Variants in CUL4A observed in about 807,000 individuals in gnomAD.
CUL4A encodes cullin-4A.
Under a neutral mutation model 95.5 loss-of-function variants are expected in CUL4A, and 16 were observed. The observed-to-expected ratio is 0.17, with a 90% CI of 0.11 to 0.25. CUL4A has a LOEUF of 0.25. Ranked by LOEUF, CUL4A falls within the 10% of genes least tolerant of loss-of-function variation. The pLI, the probability that CUL4A is intolerant of heterozygous loss-of-function variation, is 1.00. For missense variants in CUL4A, 610 were observed against 937.0 expected (o/e 0.65, Z 4.56); for synonymous variants, 380 against 353.1 (o/e 1.08, Z -0.85).
intron 11 of CUL4A, 68 bp from the exon 12 acceptor site, chr13:113,244,342 T>G (rs1215851235): frequency 9.0e-7 from 1 of 1,112,964 alleles, no homozygotes; most frequent in African/African-American, 1.5e-5. Context: ...TGTACAATGT[T>G]GCTAATAGAA....
At position 113,239,501 on chromosome 13, in the gene CUL4A, G is replaced by A; in HGVS notation, c.985G>A (p.Val329Met). ...ACAGATGTACCAGCTGTTCAGCCGG[G>A]TGAGGGGCGGGCAGCAGGCGCTGCT... ...LAQMYQLFSR[V>M]RGGQQALLQH... Residue 329 changes from valine (V) to methionine (M), a missense_variant, in exon 10 of 20, where the codon GTG becomes ATG. Physicochemically the swap from Val to Met is conservative, Grantham distance 21. This residue lies in a region of CUL4A where 153 missense variants were observed against 244.5 expected (regional missense o/e 0.63). Coordinates refer to ENST00000375440, the MANE Select transcript of CUL4A (RefSeq NM_001008895.4). 6.2e-7 allele frequency: 1 copy of A among 1,613,890 alleles called. No homozygotes were observed.
rs372753362 is a variant in CUL4A, at chr13:113,218,937, G to A, written c.265-8G>A. On this transcript the variant is annotated splice_region_variant and splice_polypyrimidine_tract_variant and intron_variant, in intron 2 of 19. Coordinates refer to ENST00000375440, the MANE Select transcript of CUL4A (RefSeq NM_001008895.4). The stretch of plus-strand genomic sequence containing the variant: ...ACTGAAGAATTGATGTAGCCCTTTT[G>A]TTTGCAGGCTGTGGAAAATCTCTGT... 3.8e-6 allele frequency: 6 copies of A among 1,596,314 alleles called. No homozygotes were observed. In the African/African-American group the frequency reaches 5.4e-5, roughly 14 times the overall value.
At chr13:113,233,040 G>T (rs1053661450) in intron 5 of CUL4A, 137 bp from the exon 6 acceptor site, 13 of 902,250 alleles carry the variant, frequency 1.4e-5, no homozygotes, top group Non-Finnish European at 2.1e-5. Flanking sequence ...TTTTTAAAAG[G>T]AATTCTTGGC....
intron 5 of CUL4A, among the ~76,000 whole-genome samples, chr13:113,231,773 T>G (rs2041318391): frequency 6.6e-6 from 1 of 152,116 alleles, no homozygotes; most frequent in South Asian, 2.1e-4. Context: ...CACTGCACCT[T>G]CCTGCTCCAA....
At chr13:113,226,021 C>T (rs1331888272) in intron 3 of CUL4A, among the ~76,000 whole-genome samples, 1 of 152,192 alleles carries the variant, frequency 6.6e-6, no homozygotes, top group African/African-American at 2.4e-5. Context: ...TTGGTCACAG[C>T]ACTTCCTGGT....
chr13:113,266,219 A>G lies in CUL4A; in HGVS notation c.*2637A>G, dbSNP rs7336792. On this transcript the variant is annotated 3_prime_UTR_variant, in exon 20 of 20. Coordinates refer to ENST00000375440, the MANE Select transcript of CUL4A (RefSeq NM_001008895.4). The stretch of plus-strand genomic sequence containing the variant: ...TTTTTTATAGAGGCAGTGTCTTGCT[A>G]TGTTGCCAAGGCTGTTCTTGTACTC... 0.86 allele frequency: 130,810 copies of G among 152,120 alleles called. 59,100 individuals are homozygous for G. Among genetic ancestry groups the G allele is most frequent in the Non-Finnish European group, 1 (67,905 of 68,042 alleles). The allele number at this position is 152,120 out of a possible 1,614,324, so 9.4% of individuals were successfully genotyped here.
At chr13:113,244,698 A>C (rs1475249031) in intron 12 of CUL4A, among the ~76,000 whole-genome samples, 184 bp downstream of exon 12, 1 of 152,118 alleles carries the variant, frequency 6.6e-6, no homozygotes, top group African/African-American at 2.4e-5. Context: ...AACATTAGCC[A>C]GGCGTGGTGG....
At chr13:113,224,963 A>T (rs2041047870) in intron 3 of CUL4A, among the ~76,000 whole-genome samples, 3 of 152,180 alleles carry the variant, frequency 2.0e-5, no homozygotes, top group Admixed American at 2.0e-4. Flanking sequence ...GGAATTGCAG[A>T]AGCAGATAAC....
At chr13:113,239,040 C>T (rs185635690) in intron 9 of CUL4A, among the ~76,000 whole-genome samples, 2 of 152,292 alleles carry the variant, frequency 1.3e-5, no homozygotes, top group Admixed American at 1.3e-4. Context: ...TAAATTTAAT[C>T]CACTATAAAT....
chr13:113,234,203 A>G (rs1007332924), intron 7 of CUL4A, among the ~76,000 whole-genome samples: 18 of 152,308 alleles, frequency 1.2e-4, no homozygotes, highest in Middle Eastern at 3.4e-3. Flanking sequence ...CACTCCCCCC[A>G]CAAGTAAAAA....
chr13:113,267,017 T>G lies in CUL4A; in HGVS notation c.*3435T>G, dbSNP rs2042407478. 2.6e-5 allele frequency: 4 copies of G among 152,148 alleles called. No homozygotes were observed. Among genetic ancestry groups the G allele is most frequent in the Admixed American group, 2.6e-4 (4 of 15,264 alleles). 9.4% of individuals were successfully genotyped at this position (152,148 alleles called of 1,614,324 possible). On this transcript the variant is annotated 3_prime_UTR_variant, in exon 20 of 20. Transcript: ENST00000375440. ...AACATCTGAAATTTACTCTTAGCAA[T>G]TTTGAAATGTACAATACTCAATTTT... is the stretch of plus-strand genomic sequence containing the variant.
At chr13:113,232,833 C>T (rs1217337238) in intron 5 of CUL4A, among the ~76,000 whole-genome samples, 1 of 152,064 alleles carries the variant, frequency 6.6e-6, no homozygotes, top group Non-Finnish European at 1.5e-5. Context: ...CAGGCAGGGT[C>T]GTGGTGCCCA....
intron 3 of CUL4A, among the ~76,000 whole-genome samples, chr13:113,223,292 G>A (rs2040969650): frequency 6.6e-6 from 1 of 152,178 alleles, no homozygotes; most frequent in African/African-American, 2.4e-5. Context: ...GAGATACTGT[G>A]TGGCAGGGAG....
rs951070829 is a variant in CUL4A at position 113,256,926 on chromosome 13, G to GTTTTTTTTTTT, written c.2031+1814_2031+1824dup. On this transcript the variant is annotated intron_variant, in intron 18 of 19. Coordinates refer to ENST00000375440, the MANE Select transcript of CUL4A (RefSeq NM_001008895.4). ...AATGCTTTGTCCCTTTTTTTTTTTC[G>GTTTTTTTTTTT]TTTTTTTTTTTTTTTTTTTTTTTGC... Among the ~76,000 whole-genome samples the GTTTTTTTTTTT allele has an allele frequency of 9.7e-4, 46 of 47,390 alleles. 1 individual carries two copies. Among genetic ancestry groups the GTTTTTTTTTTT allele is most frequent in the African/African-American group, 1.3e-3 (15 of 11,186 alleles). The allele number at this position is 47,390 out of a possible 152,430, so 31.1% of individuals were successfully genotyped here. A position where few individuals can be genotyped will look rare whatever the true frequency, so the allele number is the denominator to read the frequency against.
chr13:113,208,538 G>A (rs1295762285), upstream of CUL4A: 9 of 1,585,840 alleles, frequency 5.7e-6, no homozygotes, highest in Admixed American at 8.8e-5. Context: ...AGGCAGGAGG[G>A]GACACACGGA....
At chr13:113,238,455 T>G (rs2041613918) in intron 9 of CUL4A, among the ~76,000 whole-genome samples, 1 of 151,682 alleles carries the variant, frequency 6.6e-6, no homozygotes, top group Non-Finnish European at 1.5e-5. Context: ...AGAAAAAAGA[T>G]TTCAAGTAAA....
chr13:113,245,265 C>G (rs775886803), intron 14 of CUL4A, 28 bp downstream of exon 14: 7 of 1,604,982 alleles, frequency 4.4e-6, no homozygotes, highest in African/African-American at 1.3e-5. Flanking sequence ...GGTAAAGCGG[C>G]TTTTTAAAAA....
intron 19 of CUL4A, among the ~76,000 whole-genome samples, chr13:113,262,088 C>T (rs1248097313): frequency 6.6e-6 from 1 of 152,172 alleles, no homozygotes; most frequent in Non-Finnish European, 1.5e-5. Context: ...TCAGCCACAT[C>T]TTGTAAAATG....
At chr13:113,244,213 G>C (rs931109629) in intron 11 of CUL4A, 197 bp from the exon 12 acceptor site, 5 of 540,010 alleles carry the variant, frequency 9.3e-6, no homozygotes, top group Non-Finnish European at 1.7e-5. Context: ...TTCAGTCCTG[G>C]CTTCATTAAA....
Sources: gnomAD v4.1 joint callset for allele counts (sites outside exome capture counted in the v4.1 genomes callset) on GRCh38, gnomAD v4.1.1 for gene constraint, gnomAD v4.1.1 regional missense constraint, MANE v1.5 for transcripts, NCBI Gene and HGNC (gene_info 2026-07-23, HGNC 2026-07-21) for gene names.